ST7: variants seen among roughly 807,000 people sequenced by gnomAD.
ST7 encodes the protein suppressor of tumorigenicity 7 protein.
In ST7, 28 loss-of-function variants were observed where a neutral mutation model predicts 78.7. That is an observed-to-expected ratio of 0.36 (90% CI 0.26 to 0.49). The LOEUF (loss-of-function observed/expected upper bound fraction) is 0.49, where lower values mean the gene tolerates loss of function less well. ST7 is among the 20% of genes least tolerant of loss of function. The pLI, the probability that ST7 is intolerant of heterozygous loss-of-function variation, is 0.99. For missense variants in ST7, 418 were observed against 696.0 expected, an observed-to-expected ratio of 0.60 and a Z score of 4.49; for synonymous variants, 247 against 249.6, an observed-to-expected ratio of 0.99 and a Z score of 0.10.
At chr7:117,174,842 C>G (rs1044632161) in intron 10 of ST7, among the ~76,000 whole-genome samples, 1 of 152,176 alleles carries the variant, frequency 6.6e-6, no homozygotes, top group Non-Finnish European at 1.5e-5. Flanking sequence ...ACTTACAAGA[C>G]CACATTCTTA....
chr7:117,087,272 G>A (rs928698013), intron 1 of ST7, among the ~76,000 whole-genome samples: 1 of 152,146 alleles, frequency 6.6e-6, no homozygotes, highest in Non-Finnish European at 1.5e-5. Context: ...AATAAAAAGT[G>A]TAAAAATCAG....
At chr7:116,989,929 G>T (rs1364349331) in intron 1 of ST7, among the ~76,000 whole-genome samples, 1 of 152,066 alleles carries the variant, frequency 6.6e-6, no homozygotes, top group East Asian at 1.9e-4. Context: ...ATAGATTGGT[G>T]ATTAACCATG....
chr7:117,161,980 T>C (rs185866809), intron 9 of ST7, among the ~76,000 whole-genome samples: 3 of 152,320 alleles, frequency 2.0e-5, no homozygotes, highest in Admixed American at 1.3e-4. Context: ...TTGGATTTAA[T>C]TATATCATAT....
chr7:117,161,656 A>G (rs190442390), intron 9 of ST7, among the ~76,000 whole-genome samples: 105 of 146,126 alleles, frequency 7.2e-4, no homozygotes, highest in Middle Eastern at 7.3e-3. Flanking sequence ...CTGGAGTGCA[A>G]TGACGCAGTC....
Position 117,218,908 on chromosome 7 carries a change from G to A in ST7, c.1406-176G>A. 5.2e-6 allele frequency: 3 copies of A among 577,768 alleles called. No homozygotes were observed. In the South Asian group the frequency reaches 6.2e-5, roughly 12 times the overall value. The allele number at this position is 577,768 out of a possible 1,614,324, so 35.8% of individuals were successfully genotyped here. A position where few individuals can be genotyped will look rare whatever the true frequency, so the allele number is the denominator to read the frequency against. ...TATATAGTGTGAGATGAATGTGTGAGTAATCCATCACAATTTATCTCTGAC... is the reference window on the plus strand; with the variant it reads ...TATATAGTGTGAGATGAATGTGTGAATAATCCATCACAATTTATCTCTGAC... On this transcript the variant is annotated intron_variant, in intron 13 of 15. Coordinates refer to ENST00000323984, the MANE Select transcript of ST7 (RefSeq NM_001369598.1).
chr7:117,128,533 T>C (rs115823410), intron 3 of ST7, among the ~76,000 whole-genome samples: 2,184 of 151,980 alleles, frequency 0.014, 52 homozygotes, highest in African/African-American at 0.049. Flanking sequence ...ATAAATATTG[T>C]GTAAATTTTA....
At chr7:117,054,859 T>A (rs1797983353) in intron 1 of ST7, among the ~76,000 whole-genome samples, 1 of 152,218 alleles carries the variant, frequency 6.6e-6, no homozygotes, top group African/African-American at 2.4e-5. Flanking sequence ...GATATTTCTT[T>A]ACAAAGATGA....
chr7:117,123,716 C>T (rs1803594565), intron 3 of ST7, among the ~76,000 whole-genome samples: 1 of 152,126 alleles, frequency 6.6e-6, no homozygotes. Flanking sequence ...GGCCCAGTAA[C>T]ATTCTGAATT....
chr7:117,200,643 C>T (rs1584583898), intron 12 of ST7, among the ~76,000 whole-genome samples: 1 of 152,140 alleles, frequency 6.6e-6, no homozygotes, highest in East Asian at 1.9e-4. Flanking sequence ...ACACTCCCAG[C>T]ACTCATTTCA....
chr7:116,967,392 C>G (rs539949037), intron 1 of ST7: 2 of 471,288 alleles, frequency 4.2e-6, no homozygotes, highest in African/African-American at 4.0e-5. Context: ...TGTCCCCTCT[C>G]CCTGCCTTAC....
At chr7:116,975,706 C>G (rs74613810) in intron 1 of ST7, among the ~76,000 whole-genome samples, 3 of 150,964 alleles carry the variant, frequency 2.0e-5, no homozygotes, top group Non-Finnish European at 4.4e-5. Flanking sequence ...CCATGCCCAG[C>G]CTTTTTTTTT....
chr7:117,087,085 A>G (rs953162430), intron 1 of ST7, among the ~76,000 whole-genome samples: 30 of 152,200 alleles, frequency 2.0e-4, no homozygotes, highest in African/African-American at 6.8e-4. Context: ...AGAGAAGTAC[A>G]TTAGTCATTG....
intron 9 of ST7, among the ~76,000 whole-genome samples, chr7:117,141,010 G>A (rs1031532610): frequency 2.0e-5 from 3 of 152,106 alleles, no homozygotes; most frequent in African/African-American, 7.2e-5. Context: ...AATTTGTTTG[G>A]CTCCTCTCCG....
intron 3 of ST7, among the ~76,000 whole-genome samples, chr7:117,129,107 G>A (rs982333025): frequency 7.9e-5 from 12 of 151,732 alleles, no homozygotes; most frequent in African/African-American, 4.8e-5. Context: ...CTAAATTTCT[G>A]TGGTCCTGGT....
At chr7:116,962,216 T>C (rs957597591) in intron 1 of ST7, among the ~76,000 whole-genome samples, 1 of 152,228 alleles carries the variant, frequency 6.6e-6, no homozygotes, top group Non-Finnish European at 1.5e-5. Context: ...TTCCATGTCT[T>C]TGCTATTGTA....
At chr7:116,963,632 C>CT (rs1026576295) in intron 1 of ST7, among the ~76,000 whole-genome samples, 592 of 135,732 alleles carry the variant, frequency 4.4e-3, no homozygotes, top group Middle Eastern at 7.5e-3. Flanking sequence ...TCTTTTTTTT[C>CT]TTTTTTTTTT....
At chr7:117,145,132 G>A (rs1328668084) in intron 9 of ST7, among the ~76,000 whole-genome samples, 3 of 152,014 alleles carry the variant, frequency 2.0e-5, no homozygotes, top group Non-Finnish European at 4.4e-5. Context: ...TCTTGGGCCT[G>A]AAGTTAAGGC....
chr7:117,229,130 C>T (rs1006423660), intron 15 of ST7, among the ~76,000 whole-genome samples: 1 of 152,152 alleles, frequency 6.6e-6, no homozygotes, highest in Non-Finnish European at 1.5e-5. Flanking sequence ...ATTTAGTAAC[C>T]AAATGAAAGA....
At chr7:117,133,140 A>T (rs1804499162) in intron 6 of ST7, among the ~76,000 whole-genome samples, 1 of 151,968 alleles carries the variant, frequency 6.6e-6, no homozygotes, top group Admixed American at 6.6e-5. Flanking sequence ...CTTGGAGACC[A>T]TTCCTTTAAT....
Sources: allele counts gnomAD v4.1 joint callset (sites outside exome capture counted in the v4.1 genomes callset), GRCh38; gene constraint gnomAD v4.1.1; transcripts MANE v1.5; gene names NCBI Gene and HGNC (gene_info 2026-07-23, HGNC 2026-07-21).